Variants in LRRC9 observed in about 807,000 individuals in gnomAD.
LRRC9 encodes leucine rich repeat containing 9.
A neutral mutation model predicts 63.2 loss-of-function variants in LRRC9; 122 were observed. The ratio of observed to expected loss-of-function variants is 1.93; its 90% CI spans 1.67 to 2.24. LRRC9 has a LOEUF of 2.24. Among genes scored for constraint, LRRC9 ranks in the 30% most tolerant of loss-of-function variants. LRRC9 has a pLI of 0.00. For missense variants in LRRC9, 1,071 were observed against 627.7 expected (o/e 1.71, Z -7.55); for synonymous variants, 366 against 213.1 (o/e 1.72, Z -6.25).
In LRRC9 at chr14:59,927,929, T is replaced by C. The variant is rs1326741773; in HGVS notation, c.-15T>C. 2 of 675,974 alleles carry C rather than the reference T, an allele frequency of 3.0e-6. No individual in the cohort carries two copies. Among genetic ancestry groups the C allele is most frequent in the Non-Finnish European group, 5.3e-6 (2 of 375,118 alleles). 41.9% of individuals were successfully genotyped at this position (675,974 alleles called of 1,614,324 possible). On this transcript the variant is annotated 5_prime_UTR_variant, in exon 2 of 32. Coordinates refer to ENST00000445360, the Ensembl canonical transcript of LRRC9. The surrounding 1 kb of genome is among the most constrained non-coding windows in gnomAD (Gnocchi z 4.4). The stretch of plus-strand genomic sequence containing the variant: ...TTAAAAGTTATAATATTATGATCAC[T>C]GTTTTTAATGGAAGATGATTGAAAG...
chr14:59,983,496 G>A (rs544049816), intron 16 of LRRC9, among the ~76,000 whole-genome samples: 1 of 152,164 alleles, frequency 6.6e-6, no homozygotes, highest in Non-Finnish European at 1.5e-5. Context: ...AGAGTTACTG[G>A]GAGAGATTTA....
At position 59,927,426 on chromosome 14, in the gene LRRC9, T is replaced by C. The variant is rs879876288; in HGVS notation, c.-33-485T>C. On this transcript the variant is annotated intron_variant, in intron 1 of 31. Coordinates refer to ENST00000445360, the Ensembl canonical transcript of LRRC9. The surrounding 1 kb of genome is among the most constrained non-coding windows in gnomAD (Gnocchi z 4.4). ...TTATTTTAATAAACACTTATTACTATGCCAAAAATGTTGCTAAGCCCTAAG... is the reference window on the plus strand; with the variant it reads ...TTATTTTAATAAACACTTATTACTACGCCAAAAATGTTGCTAAGCCCTAAG... 6.6e-6 allele frequency among the ~76,000 whole-genome samples: 1 copy of C among 152,102 alleles called. No homozygotes were observed.
chr14:60,042,401 G>C lies in LRRC9; in HGVS notation c.3990+10338G>C, dbSNP rs1395869342. On this transcript the variant is annotated intron_variant, in intron 29 of 31. Transcript: ENST00000445360. The surrounding 1 kb of genome is among the most constrained non-coding windows in gnomAD (Gnocchi z 4.2). ...CTTGAGCTGTGGTGGGCTCCACTGAGTTCGAGCTTCCCAGCTTCTTTGTTT... is the reference window on the plus strand; with the variant it reads ...CTTGAGCTGTGGTGGGCTCCACTGACTTCGAGCTTCCCAGCTTCTTTGTTT... Among the ~76,000 whole-genome samples, 1 of 152,208 alleles carries C rather than the reference G, an allele frequency of 6.6e-6. No homozygotes were observed. Among genetic ancestry groups the C allele is most frequent in the Non-Finnish European group, 1.5e-5 (1 of 68,038 alleles).
intron 8 of LRRC9, among the ~76,000 whole-genome samples, chr14:59,951,985 C>T (rs1226022356): frequency 6.6e-6 from 1 of 151,816 alleles, no homozygotes; most frequent in African/African-American, 2.4e-5. Flanking sequence ...GAGGTGGAGC[C>T]TACAGAGGCA....
intron 27 of LRRC9, 69 bp downstream of exon 27, chr14:60,022,939 G>A (rs1891226999): frequency 2.3e-6 from 1 of 436,594 alleles, no homozygotes. Flanking sequence ...ATTCTGTTTT[G>A]ATAAGCAAAT....
chr14:60,022,175 T>C (rs762909091), intron 26 of LRRC9, among the ~76,000 whole-genome samples: 3 of 151,862 alleles, frequency 2.0e-5, no homozygotes, highest in African/African-American at 7.2e-5. Flanking sequence ...CTCTCAGTAA[T>C]GTTTTGTAGT....
intron 22 of LRRC9, among the ~76,000 whole-genome samples, chr14:60,007,861 G>C (rs527681345): frequency 1.3e-5 from 2 of 150,204 alleles, no homozygotes; most frequent in South Asian, 4.2e-4. Context: ...AATCACTTGA[G>C]CCTAGGAGTT....
chr14:59,931,019 G>C (rs1237563837), exon 4 of LRRC9: 1 of 432,120 alleles, frequency 2.3e-6, no homozygotes, highest in African/African-American at 2.0e-5. Flanking sequence ...TCAAATTGAA[G>C]GTTCTTTGGC....
chr14:60,019,545 T>A (rs1890955928), intron 26 of LRRC9, among the ~76,000 whole-genome samples: 1 of 151,986 alleles, frequency 6.6e-6, no homozygotes, highest in African/African-American at 2.4e-5. Context: ...ACTGCATGTT[T>A]AATGACCTTG....
intron 8 of LRRC9, among the ~76,000 whole-genome samples, chr14:59,952,370 C>A: frequency 6.6e-6 from 1 of 152,162 alleles, no homozygotes; most frequent in East Asian, 1.9e-4. Context: ...GCGCACGGTG[C>A]GCGCACCCAC....
chr14:59,941,861 C>T (rs1248231500), intron 7 of LRRC9, among the ~76,000 whole-genome samples: 1 of 152,208 alleles, frequency 6.6e-6, no homozygotes, highest in East Asian at 1.9e-4. Flanking sequence ...TTATAGTTAA[C>T]CATATTCACC....
chr14:60,005,285 G>A (rs1005178850), intron 21 of LRRC9, among the ~76,000 whole-genome samples: 2 of 151,968 alleles, frequency 1.3e-5, no homozygotes, highest in African/African-American at 4.8e-5. Flanking sequence ...GTAAACCTAG[G>A]GGTAGCTCAG....
intron 12 of LRRC9, among the ~76,000 whole-genome samples, chr14:59,971,382 C>A (rs1194361792): frequency 6.6e-6 from 1 of 152,168 alleles, no homozygotes; most frequent in South Asian, 2.1e-4. Context: ...CAGCATTATT[C>A]TTTTCGCATA....
exon 27 of LRRC9, chr14:60,022,840 C>A: frequency 2.9e-6 from 2 of 679,692 alleles, no homozygotes; most frequent in African/African-American, 1.8e-5. Flanking sequence ...ACTTAACAGA[C>A]TAAGAAATTT....
At chr14:59,989,087 T>C (rs910779547) in intron 17 of LRRC9, among the ~76,000 whole-genome samples, 3 of 152,134 alleles carry the variant, frequency 2.0e-5, no homozygotes, top group African/African-American at 7.2e-5. Flanking sequence ...TTTTTTAGTT[T>C]TCTTTAAAGT....
chr14:60,042,590 C>T lies in LRRC9; in HGVS notation c.3991-10475C>T, dbSNP rs1412232776. Among the ~76,000 whole-genome samples, 1 of 152,192 alleles carries T rather than the reference C, an allele frequency of 6.6e-6. No individual in the cohort carries two copies. The highest frequency in any genetic ancestry group is 2.4e-5 in the African/African-American group (1 of 41,436). On this transcript the variant is annotated intron_variant, in intron 29 of 31. Transcript: ENST00000445360. The surrounding 1 kb of genome is among the most constrained non-coding windows in gnomAD (Gnocchi z 4.2). ...TCTCCTGTTGTGCCGTTTGCTAAGA[C>T]CATTGGAAAAGCACAGTATTAGGCT...
intron 8 of LRRC9, among the ~76,000 whole-genome samples, chr14:59,955,402 T>G (rs756900911): frequency 1.3e-5 from 2 of 152,242 alleles, no homozygotes; most frequent in Admixed American, 6.5e-5. Context: ...ATTTTTCCAT[T>G]TCTTCTAGAT....
chr14:60,055,798 A>G (rs1299589604), intron 30 of LRRC9, among the ~76,000 whole-genome samples: 1 of 150,996 alleles, frequency 6.6e-6, no homozygotes, highest in Non-Finnish European at 1.5e-5. Context: ...TCAGCTACTC[A>G]GGAGGCTAAG....
At chr14:60,038,387 C>T (rs900118437) in intron 29 of LRRC9, among the ~76,000 whole-genome samples, 1 of 152,102 alleles carries the variant, frequency 6.6e-6, no homozygotes, top group Non-Finnish European at 1.5e-5. Flanking sequence ...ATTGATTCTT[C>T]CTATCCATGA....
Sources: allele counts gnomAD v4.1 joint callset (sites outside exome capture counted in the v4.1 genomes callset), GRCh38; gene constraint gnomAD v4.1.1; non-coding constraint Gnocchi (gnomAD v3.1); transcripts MANE v1.5; gene names NCBI Gene and HGNC (gene_info 2026-07-23, HGNC 2026-07-21).